The following ESRRA variants were observed in gnomAD, a reference collection of about 807,000 sequenced individuals.
ESRRA encodes estrogen related receptor alpha.
Under a neutral mutation model 35.6 loss-of-function variants are expected in ESRRA, and 7 were observed. The observed-to-expected ratio is 0.20, with a 90% CI of 0.11 to 0.37. ESRRA has a LOEUF of 0.37. ESRRA is among the 10% of genes least tolerant of loss of function. ESRRA has a pLI of 1.00. For missense variants in ESRRA, 378 were observed against 561.7 expected (o/e 0.67, Z 3.31); for synonymous variants, 223 against 246.9 (o/e 0.90, Z 0.91).
At position 64,307,266 on chromosome 11, in the gene ESRRA, A is replaced by G. The variant is rs764846318; in HGVS notation, c.87A>G (p.Thr29=). The change falls in exon 2 of 7, where the codon ACA becomes ACG. Residue 29 remains threonine, a synonymous_variant. Transcript: ENST00000000442. ...SPDSPKGSSE[T]ETEPPVALAP... ...ACAGTCCAAAGGGTTCCTCGGAGACAGAGACCGAGCCTCCTGTGGCCCTGG... is the reference window on the plus strand; with the variant it reads ...ACAGTCCAAAGGGTTCCTCGGAGACGGAGACCGAGCCTCCTGTGGCCCTGG... 2 of 1,613,560 alleles carry G rather than the reference A, an allele frequency of 1.2e-6. No homozygotes were observed. Among genetic ancestry groups the G allele is most frequent in the Non-Finnish European group, 1.7e-6 (2 of 1,179,830 alleles).
intron 2 of ESRRA, among the ~76,000 whole-genome samples, chr11:64,312,730 A>G (rs910900268): frequency 6.6e-6 from 1 of 152,204 alleles, no homozygotes; most frequent in African/African-American, 2.4e-5. Flanking sequence ...AACCAGAAGC[A>G]GGGCTCAGAG....
At position 64,316,589 on chromosome 11, in the gene ESRRA, T is replaced by G; in HGVS notation, c.*623T>G. 2.5e-6 allele frequency: 1 copy of G among 406,872 alleles called. No homozygotes were observed. The highest frequency in any genetic ancestry group is 4.5e-6 in the Non-Finnish European group (1 of 222,094). The allele number at this position is 406,872 out of a possible 1,614,324, so 25.2% of individuals were successfully genotyped here. A position where few individuals can be genotyped will look rare whatever the true frequency, so the allele number is the denominator to read the frequency against. ...CAATAACACTATATTTATTTTTGGG[T>G]TTGGCCAGGGAGGCGCAGGGACATG... On this transcript the variant is annotated 3_prime_UTR_variant, in exon 7 of 7. Transcript: ENST00000000442.
At position 64,316,165 on chromosome 11, in the gene ESRRA, C is replaced by T; in HGVS notation, c.*199C>T. ...GTGTCAGAAGCTGGGAACGTGTGTC[C>T]AGGCTCTGGGCACAGTGCTGCCCCT... On this transcript the variant is annotated 3_prime_UTR_variant, in exon 7 of 7. Transcript: ENST00000000442. 1.6e-6 allele frequency: 1 copy of T among 625,368 alleles called. No individual in the cohort carries two copies. Among genetic ancestry groups the T allele is most frequent in the Non-Finnish European group, 2.7e-6 (1 of 366,500 alleles). The allele number at this position is 625,368 out of a possible 1,614,324, so 38.7% of individuals were successfully genotyped here.
At position 64,313,089 on chromosome 11, in the gene ESRRA, G is replaced by A. The variant is rs2035173860; in HGVS notation, c.326-862G>A. Among the ~76,000 whole-genome samples, 1 of 152,152 alleles carries A rather than the reference G, an allele frequency of 6.6e-6. No individual in the cohort carries two copies. The highest frequency in any genetic ancestry group is 2.4e-5 in the African/African-American group (1 of 41,438). On this transcript the variant is annotated intron_variant, in intron 2 of 6. Coordinates refer to ENST00000000442, the MANE Select transcript of ESRRA (RefSeq NM_004451.5). This position sits in a 1 kb window ranked among gnomAD's most constrained non-coding sequence, Gnocchi z 4.0. ...GAACAGACTGGAGCAAGCAGGGACA[G>A]CCAAGCGAGGGGCGAGGTGACAGTG...
rs746798366 is a variant in ESRRA, at chr11:64,314,996, C to G, written c.743-5C>G. 2.9e-5 allele frequency: 46 copies of G among 1,589,756 alleles called. No homozygotes were observed. The East Asian group carries it at 3.7e-4, about 13-fold the overall frequency. On this transcript the variant is annotated splice_polypyrimidine_tract_variant and splice_region_variant and intron_variant, in intron 5 of 6. Transcript: ENST00000000442. ...CAGCCAGGCCCGCTCCCCGCTGCCC[C>G]CTAGGCTTCTCATCGCTGTCGCTGT...
chr11:64,307,723 C>G (rs756867038), intron 2 of ESRRA, among the ~76,000 whole-genome samples: 10 of 152,198 alleles, frequency 6.6e-5, no homozygotes, highest in Non-Finnish European at 1.3e-4. Context: ...AGGGTACCAC[C>G]TGGGTACTCT....
chr11:64,310,483 C>T (rs1246463375), intron 2 of ESRRA, among the ~76,000 whole-genome samples: 1 of 150,088 alleles, frequency 6.7e-6, no homozygotes, highest in Non-Finnish European at 1.5e-5. Flanking sequence ...ATCCACCTGC[C>T]TTGGACTCCC....
chr11:64,315,296 G>T, intron 6 of ESRRA, 26 bp downstream of exon 6: 2 of 1,528,670 alleles, frequency 1.3e-6, no homozygotes, highest in Non-Finnish European at 1.8e-6. Context: ...GCACTGACAG[G>T]TGAGGTGTCT....
Position 64,316,053 on chromosome 11 carries a change from G to A in ESRRA, c.*87G>A. ...GGGCTGGGGCGGAGCTGGGGTCTGGGCAGTGCCACAGCCTGCTGGCAGGGC... is the reference window on the plus strand; with the variant it reads ...GGGCTGGGGCGGAGCTGGGGTCTGGACAGTGCCACAGCCTGCTGGCAGGGC... On this transcript the variant is annotated 3_prime_UTR_variant, in exon 7 of 7. Coordinates refer to ENST00000000442, the MANE Select transcript of ESRRA (RefSeq NM_004451.5). 2 of 1,448,422 alleles carry A rather than the reference G, an allele frequency of 1.4e-6. No homozygotes were observed. Among genetic ancestry groups the A allele is most frequent in the Non-Finnish European group, 1.9e-6 (2 of 1,076,060 alleles). 89.7% of individuals were successfully genotyped at this position (1,448,422 alleles called of 1,614,324 possible).
At chr11:64,309,023 A>C (rs1307495591) in intron 2 of ESRRA, among the ~76,000 whole-genome samples, 1 of 152,022 alleles carries the variant, frequency 6.6e-6, no homozygotes, top group Non-Finnish European at 1.5e-5. Flanking sequence ...AGACAGGAGA[A>C]TTGCTTGAAC....
At chr11:64,306,986 G>T (rs1026064742) in intron 1 of ESRRA, 182 bp from the exon 2 acceptor site, 1 of 472,418 alleles carries the variant, frequency 2.1e-6, no homozygotes, top group Non-Finnish European at 3.7e-6. Context: ...TGTTTCCATG[G>T]CAACAGCTAG....
chr11:64,311,485 G>A (rs1315828518), intron 2 of ESRRA, among the ~76,000 whole-genome samples: 2 of 151,090 alleles, frequency 1.3e-5, no homozygotes, highest in Admixed American at 1.3e-4. Context: ...GCGCGATCTC[G>A]GCTCAGTGCA....
rs561036794 is a variant in ESRRA at position 64,314,396 on chromosome 11, C to T, written c.571+29C>T. 20 of 1,521,284 alleles carry T rather than the reference C, an allele frequency of 1.3e-5. No homozygotes were observed. In the East Asian group the frequency reaches 2.2e-4, roughly 17 times the overall value. 94.2% of individuals were successfully genotyped at this position (1,521,284 alleles called of 1,614,324 possible). On this transcript the variant is annotated intron_variant, in intron 4 of 6. Coordinates refer to ENST00000000442, the MANE Select transcript of ESRRA (RefSeq NM_004451.5). ...AGAGCACTGTGGGTACCTGGGGCTACGAAACCGGAGGCCTATGTGTGGCAT... is the reference window on the plus strand; with the variant it reads ...AGAGCACTGTGGGTACCTGGGGCTATGAAACCGGAGGCCTATGTGTGGCAT...
At position 64,307,431 on chromosome 11, in the gene ESRRA, C is replaced by T. The variant is rs376539921; in HGVS notation, c.252C>T (p.Asp84=). The change falls in exon 2 of 7, where the codon GAC becomes GAT. Residue 84 remains aspartate (D), a synonymous_variant. Coordinates refer to ENST00000000442, the MANE Select transcript of ESRRA (RefSeq NM_004451.5). ...AGCGCCTCTGCCTGGTCTGTGGGGACGTGGCCTCCGGCTACCACTATGGTG... is the reference window on the plus strand; with the variant it reads ...AGCGCCTCTGCCTGGTCTGTGGGGATGTGGCCTCCGGCTACCACTATGGTG... ...LPKRLCLVCG[D]VASGYHYGVA... The T allele has an allele frequency of 2.7e-5, 42 of 1,562,732 alleles. No individual in the cohort carries two copies. Among genetic ancestry groups the T allele is most frequent in the African/African-American group, 4.1e-5 (3 of 73,632 alleles).
chr11:64,314,477 A>G lies in ESRRA; in HGVS notation c.571+110A>G. 5.3e-6 allele frequency: 7 copies of G among 1,308,700 alleles called. No individual in the cohort carries two copies. The South Asian group carries it at 1.1e-4, about 20-fold the overall frequency. 81.1% of individuals were successfully genotyped at this position (1,308,700 alleles called of 1,614,324 possible). Reference sequence around the variant, plus strand: ...TTCCCCTTCGTCTCTTCACTCACTCATTTCCCCAAGACATGTGAAACTGCC... The same window carrying G: ...TTCCCCTTCGTCTCTTCACTCACTCGTTTCCCCAAGACATGTGAAACTGCC... On this transcript the variant is annotated intron_variant, in intron 4 of 6. Transcript: ENST00000000442.
intron 1 of ESRRA, chr11:64,306,534 G>A (rs2035036781): frequency 6.5e-6 from 1 of 152,946 alleles, no homozygotes; most frequent in Non-Finnish European, 1.5e-5. Context: ...GTGTGATCAT[G>A]AGCCTTGACT....
At position 64,314,326 on chromosome 11, in the gene ESRRA, C is replaced by T. The variant is rs527493990; in HGVS notation, c.530C>T (p.Pro177Leu). 46 of 1,604,402 alleles carry T rather than the reference C, an allele frequency of 2.9e-5. No homozygotes were observed. The African/African-American group carries it at 4.8e-4, about 17-fold the overall frequency. The change falls in exon 4 of 7, where the codon CCT becomes CTT. Residue 177 changes from proline (P) to leucine (L), a missense_variant. Transcript: ENST00000000442. ...VDPLPFPGPF[P>L]AGPLAVAGGP... ...CCACTGCCCTTCCCGGGCCCCTTCC[C>T]TGCTGGGCCCCTGGCAGTCGCTGGA...
Position 64,316,619 on chromosome 11 carries a change from A to T in ESRRA, c.*653A>T. 4.1e-6 allele frequency: 2 copies of T among 489,662 alleles called. No individual in the cohort carries two copies. The highest frequency in any genetic ancestry group is 7.4e-6 in the Non-Finnish European group (2 of 269,692). 30.3% of individuals were successfully genotyped at this position (489,662 alleles called of 1,614,324 possible). ...CCAGGGAGGCGCAGGGACATGGGGC[A>T]AGCCAGGGCCCAGAGCCCTTGGCTG... On this transcript the variant is annotated 3_prime_UTR_variant, in exon 7 of 7. Coordinates refer to ENST00000000442, the MANE Select transcript of ESRRA (RefSeq NM_004451.5).
Position 64,312,852 on chromosome 11 carries a change from A to G in ESRRA, c.326-1099A>G, listed in dbSNP as rs1334766198. Reference sequence around the variant, plus strand: ...GGGAGCCTGTGTGGACTTCAGGACTAGAGCTCCAGGCAGGGCCTGTTTGAG... The same window carrying G: ...GGGAGCCTGTGTGGACTTCAGGACTGGAGCTCCAGGCAGGGCCTGTTTGAG... On this transcript the variant is annotated intron_variant, in intron 2 of 6. Transcript: ENST00000000442. Among the ~76,000 whole-genome samples, 4 of 152,206 alleles carry G rather than the reference A, an allele frequency of 2.6e-5. No individual in the cohort carries two copies. In the East Asian group the frequency reaches 5.8e-4, roughly 22 times the overall value.
Sources: allele counts gnomAD v4.1 joint callset (sites outside exome capture counted in the v4.1 genomes callset), GRCh38; gene constraint gnomAD v4.1.1; non-coding constraint Gnocchi (gnomAD v3.1); transcripts MANE v1.5; gene names NCBI Gene and HGNC (gene_info 2026-07-23, HGNC 2026-07-21).